DNAL1: variants seen among roughly 807,000 people sequenced by gnomAD.
The protein encoded by DNAL1 is chromosome 14 open reading frame 168.
A neutral mutation model predicts 29.4 loss-of-function variants in DNAL1; 17 were observed. The observed-to-expected ratio is 0.58, with a 90% CI of 0.40 to 0.87. DNAL1 has a LOEUF of 0.87. Ranked by LOEUF, DNAL1 falls within the 40% of genes least tolerant of loss-of-function variation. The pLI is 0.00. For missense variants in DNAL1, 188 were observed against 214.1 expected (o/e 0.88, Z 0.76); for synonymous variants, 78 against 76.3 (o/e 1.02, Z -0.12).
chr14:73,647,938 A>C (rs1891017004), intron 1 of DNAL1, among the ~76,000 whole-genome samples: 1 of 152,110 alleles, frequency 6.6e-6, no homozygotes, highest in Non-Finnish European at 1.5e-5. Context: ...TGGCTTGACC[A>C]GTGTTTACTT....
intron 1 of DNAL1, among the ~76,000 whole-genome samples, chr14:73,645,669 C>A (rs917250372): frequency 2.0e-5 from 3 of 152,114 alleles, no homozygotes; most frequent in Non-Finnish European, 4.4e-5. Context: ...GACAACACAC[C>A]TCAAGTGATT....
At chr14:73,664,075 T>G (rs1349224374) in intron 4 of DNAL1, among the ~76,000 whole-genome samples, 1 of 152,188 alleles carries the variant, frequency 6.6e-6, no homozygotes, top group Non-Finnish European at 1.5e-5. Context: ...GAAGAAACTT[T>G]CCTGGGAGCC....
At chr14:73,690,382 GT>G (rs1176425856) in intron 7 of DNAL1, among the ~76,000 whole-genome samples, 1 of 152,066 alleles carries the variant, frequency 6.6e-6, no homozygotes, top group Non-Finnish European at 1.5e-5. Context: ...GCCAGGTGCG[GT>G]GGCTCATGCC....
intron 1 of DNAL1, among the ~76,000 whole-genome samples, chr14:73,648,734 T>G (rs1158692790): frequency 2.0e-5 from 3 of 151,476 alleles, no homozygotes; most frequent in Non-Finnish European, 4.4e-5. Context: ...TTCTTATTAG[T>G]CATCTGGGTT....
chr14:73,659,231 G>A (rs1321592708), intron 3 of DNAL1, among the ~76,000 whole-genome samples: 1 of 149,474 alleles, frequency 6.7e-6, no homozygotes, highest in African/African-American at 2.5e-5. Flanking sequence ...GCATGATCTC[G>A]GCTCACTGCA....
intron 5 of DNAL1, among the ~76,000 whole-genome samples, chr14:73,677,779 G>C (rs1173801068): frequency 6.6e-6 from 1 of 150,478 alleles, no homozygotes; most frequent in African/African-American, 2.4e-5. Context: ...GGATGGTCTC[G>C]ATCTCCTGAC....
At chr14:73,647,173 A>G (rs1890994339) in intron 1 of DNAL1, among the ~76,000 whole-genome samples, 1 of 152,132 alleles carries the variant, frequency 6.6e-6, no homozygotes, top group South Asian at 2.1e-4. Flanking sequence ...CCTGGCTATC[A>G]TGGTGAAACC....
intron 4 of DNAL1, among the ~76,000 whole-genome samples, chr14:73,665,577 G>A (rs1231795404): frequency 6.6e-6 from 1 of 152,082 alleles, no homozygotes; most frequent in Non-Finnish European, 1.5e-5. Flanking sequence ...GATCACCTGA[G>A]GTCAGGAGTT....
intron 1 of DNAL1, among the ~76,000 whole-genome samples, chr14:73,647,364 C>CAA (rs199974495): frequency 0.1 from 9,295 of 92,092 alleles, 604 homozygotes; most frequent in Non-Finnish European, 0.14. Context: ...GACTCTGTCT[C>CAA]AAAAAAAAAA....
At chr14:73,672,469 G>A (rs181026911) in intron 5 of DNAL1, among the ~76,000 whole-genome samples, 3 of 151,758 alleles carry the variant, frequency 2.0e-5, no homozygotes, top group Admixed American at 1.3e-4. Context: ...CTAGCTGGGT[G>A]TGGTGGCGGG....
intron 4 of DNAL1, among the ~76,000 whole-genome samples, chr14:73,664,472 C>T (rs1213397769): frequency 6.6e-6 from 1 of 152,010 alleles, no homozygotes; most frequent in Non-Finnish European, 1.5e-5. Flanking sequence ...CAATTTACAC[C>T]CAAATACACT....
At chr14:73,687,096 C>T (rs1394047987) in intron 5 of DNAL1, among the ~76,000 whole-genome samples, 163 bp from the exon 6 acceptor site, 4 of 149,134 alleles carry the variant, frequency 2.7e-5, no homozygotes, top group African/African-American at 9.8e-5. Context: ...ACTTAGCTCC[C>T]TCAATGAGAA....
At chr14:73,694,301 A>G (rs185172701) in intron 7 of DNAL1, among the ~76,000 whole-genome samples, 6 of 149,644 alleles carry the variant, frequency 4.0e-5, no homozygotes, top group African/African-American at 1.5e-4. Flanking sequence ...GTCTTCAGAG[A>G]AGAGAAGAGA....
intron 1 of DNAL1, among the ~76,000 whole-genome samples, chr14:73,654,645 G>C (rs1027675052): frequency 6.6e-6 from 1 of 152,088 alleles, no homozygotes; most frequent in Admixed American, 6.6e-5. Context: ...TGTAGTCCCA[G>C]CTACTTGGGA....
chr14:73,679,367 C>T (rs1257799453), intron 5 of DNAL1, among the ~76,000 whole-genome samples: 2 of 152,054 alleles, frequency 1.3e-5, no homozygotes, highest in African/African-American at 4.8e-5. Context: ...TGTTAAAATA[C>T]TGATTATTTT....
At chr14:73,655,391 C>G (rs1891195962) in intron 2 of DNAL1, among the ~76,000 whole-genome samples, 1 of 149,398 alleles carries the variant, frequency 6.7e-6, no homozygotes, top group South Asian at 2.1e-4. Context: ...GTCGCCCAGG[C>G]TGGAGTGCAG....
rs7161531 is a variant in DNAL1 at position 73,702,992 on chromosome 14, G to A, written c.*7050G>A. On this transcript the variant is annotated 3_prime_UTR_variant, in exon 8 of 8. Coordinates refer to ENST00000553645, the MANE Select transcript of DNAL1 (RefSeq NM_031427.4). ...AAAATTAGTTGGGCATGGCAATGCC[G>A]CCTGTGGTCCTAGCTACTGGGGAGG... 0.19 allele frequency: 28,547 copies of A among 151,656 alleles called. 3,207 individuals are homozygous for A. The highest frequency in any genetic ancestry group is 0.32 in the African/African-American group (13,090 of 41,310). 9.4% of individuals were successfully genotyped at this position (151,656 alleles called of 1,614,324 possible).
intron 1 of DNAL1, among the ~76,000 whole-genome samples, chr14:73,646,236 A>C (rs1890974340): frequency 1.3e-5 from 2 of 152,224 alleles, no homozygotes; most frequent in African/African-American, 4.8e-5. Context: ...AAATCTTCAA[A>C]TAGAGAATCA....
Position 73,700,149 on chromosome 14 carries a change from C to G in DNAL1, c.*4207C>G, listed in dbSNP as rs746821555. 2 of 152,164 alleles carry G rather than the reference C, an allele frequency of 1.3e-5. No individual in the cohort carries two copies. Among genetic ancestry groups the G allele is most frequent in the African/African-American group, 4.8e-5 (2 of 41,430 alleles). 9.4% of individuals were successfully genotyped at this position (152,164 alleles called of 1,614,324 possible). ...GGCAGATCACTTGAGGTCAGGAGTTCGAGGCCAGCCTGGCCAACGTGGTGA... is the reference window on the plus strand; with the variant it reads ...GGCAGATCACTTGAGGTCAGGAGTTGGAGGCCAGCCTGGCCAACGTGGTGA... On this transcript the variant is annotated 3_prime_UTR_variant, in exon 8 of 8. Transcript: ENST00000553645.
Sources: gnomAD v4.1 joint callset for allele counts (sites outside exome capture counted in the v4.1 genomes callset) on GRCh38, gnomAD v4.1.1 for gene constraint, MANE v1.5 for transcripts, NCBI Gene and HGNC (gene_info 2026-07-23, HGNC 2026-07-21) for gene names.